Variants in SREBF2 observed in about 807,000 individuals in gnomAD.
SREBF2 encodes sterol regulatory element-binding protein 2.
Under a neutral mutation model 113.1 loss-of-function variants are expected in SREBF2, and 55 were observed. That is an observed-to-expected ratio of 0.49 (90% confidence interval 0.39 to 0.61). SREBF2 has a LOEUF of 0.61. Ranked by LOEUF, SREBF2 falls within the 20% of genes least tolerant of loss-of-function variation. The probability of loss-of-function intolerance (pLI) is 0.00; values close to 1 mark genes in which losing one functional copy is unlikely to be tolerated. For missense variants in SREBF2, 1,349 were observed against 1,487.4 expected, an observed-to-expected ratio of 0.91 and a Z score of 1.53; for synonymous variants, 593 against 605.7, an observed-to-expected ratio of 0.98 and a Z score of 0.31.
In SREBF2 at chr22:41,833,126, G is replaced by T. The variant is rs1232838294; in HGVS notation, c.-145G>T. On this transcript the variant is annotated 5_prime_UTR_variant, in exon 1 of 19. Transcript: ENST00000361204. This position sits in a 1 kb window ranked among gnomAD's most constrained non-coding sequence, Gnocchi z 4.1. ...CGCCCTTTCTGTGCGGCGCCCGGGC[G>T]CAACGCAAACATGGCGGCGGGTGGC... 1 of 567,448 alleles carries T rather than the reference G, an allele frequency of 1.8e-6. No individual in the cohort carries two copies. Among genetic ancestry groups the T allele is most frequent in the Non-Finnish European group, 2.9e-6 (1 of 350,560 alleles). The allele number at this position is 567,448 out of a possible 1,614,324, so 35.2% of individuals were successfully genotyped here.
At chr22:41,848,572 C>A (rs763472178) in intron 1 of SREBF2, among the ~76,000 whole-genome samples, 1 of 152,144 alleles carries the variant, frequency 6.6e-6, no homozygotes, top group South Asian at 2.1e-4. Flanking sequence ...ATTGCAGCAT[C>A]GTAGAGCCTA....
Position 41,896,985 on chromosome 22 carries a change from GC to G in SREBF2, c.2496-66del, listed in dbSNP as rs543294743. ...GGTCTTAGAGCTGGAGAGCTGAACA[GC>G]TAGGCCATGAGGTGGGCCTTGTGTA... On this transcript the variant is annotated intron_variant, in intron 13 of 18. Coordinates refer to ENST00000361204, the MANE Select transcript of SREBF2 (RefSeq NM_004599.4). 1.6e-4 allele frequency: 179 copies of G among 1,131,718 alleles called. 1 individual carries two copies. Among genetic ancestry groups the G allele is most frequent in the African/African-American group, 8.7e-4 (57 of 65,784 alleles). 70.1% of individuals were successfully genotyped at this position (1,131,718 alleles called of 1,614,324 possible).
intron 11 of SREBF2, 139 bp from the exon 12 acceptor site, chr22:41,892,978 G>T: frequency 1.9e-6 from 2 of 1,029,636 alleles, no homozygotes; most frequent in South Asian, 2.6e-5. Flanking sequence ...TCAGGTACCT[G>T]TGGGAGTCCT....
chr22:41,866,209 G>A (rs559705237), intron 1 of SREBF2, among the ~76,000 whole-genome samples: 27 of 152,296 alleles, frequency 1.8e-4, no homozygotes, highest in African/African-American at 6.3e-4. Context: ...CGACAGAACA[G>A]CACCCATCTA....
At chr22:41,884,687 C>G (rs1359431070) in intron 10 of SREBF2, among the ~76,000 whole-genome samples, 155 bp from the exon 11 acceptor site, 2 of 152,176 alleles carry the variant, frequency 1.3e-5, no homozygotes, top group African/African-American at 4.8e-5. Flanking sequence ...TATCACAGAG[C>G]CTGGCATCCC....
intron 4 of SREBF2, among the ~76,000 whole-genome samples, chr22:41,871,250 G>A (rs1243265473): frequency 2.8e-4 from 42 of 152,162 alleles, no homozygotes; most frequent in Admixed American, 2.6e-3. Flanking sequence ...TCTACAAGGA[G>A]GTAGAAAAGA....
chr22:41,883,429 A>G (rs748252798), intron 10 of SREBF2, among the ~76,000 whole-genome samples: 4 of 152,170 alleles, frequency 2.6e-5, no homozygotes, highest in African/African-American at 7.2e-5. Context: ...GAAGGTCCCT[A>G]TCTGCAAATT....
intron 12 of SREBF2, among the ~76,000 whole-genome samples, chr22:41,893,679 C>T (rs1317970907): frequency 1.3e-5 from 2 of 152,130 alleles, no homozygotes; most frequent in Admixed American, 1.3e-4. Context: ...ATTGGGAGAG[C>T]AGACAGACAT....
chr22:41,882,041 C>CAA (rs901580760), intron 10 of SREBF2, among the ~76,000 whole-genome samples: 1 of 146,374 alleles, frequency 6.8e-6, no homozygotes, highest in East Asian at 2.0e-4. Flanking sequence ...CATAGCACTC[C>CAA]AAAAAAAAAA....
chr22:41,879,712 C>T (rs796401723), intron 9 of SREBF2, among the ~76,000 whole-genome samples: 8 of 152,280 alleles, frequency 5.3e-5, no homozygotes, highest in Non-Finnish European at 8.8e-5. Context: ...GTACCAGCTG[C>T]CCAATAGAGG....
Position 41,865,147 on chromosome 22 carries a change from AC to A in SREBF2, c.89-1683del, listed in dbSNP as rs1259191602. Among the ~76,000 whole-genome samples, 35 of 26,136 alleles carry A rather than the reference AC, an allele frequency of 1.3e-3. No homozygotes were observed. The South Asian group carries it at 0.03, about 22-fold the overall frequency. 17.1% of individuals were successfully genotyped at this position (26,136 alleles called of 152,430 possible). A position where few individuals can be genotyped will look rare whatever the true frequency, so the allele number is the denominator to read the frequency against. On this transcript the variant is annotated intron_variant, in intron 1 of 18. Transcript: ENST00000361204. ...TCCAGGCCCCCACATCCCCCAAAAAACACACACACACACACACACACAGCAT... is the reference window on the plus strand; with the variant it reads ...TCCAGGCCCCCACATCCCCCAAAAAAACACACACACACACACACACAGCAT...
At chr22:41,891,054 G>C (rs1602337201) in intron 11 of SREBF2, among the ~76,000 whole-genome samples, 1 of 152,146 alleles carries the variant, frequency 6.6e-6, no homozygotes, top group Admixed American at 6.5e-5. Context: ...TGAGGGACCA[G>C]TTGGTCCTCA....
In SREBF2 at chr22:41,900,557, C is replaced by G; in HGVS notation, c.2907+59C>G. 4 of 1,546,884 alleles carry G rather than the reference C, an allele frequency of 2.6e-6. No individual in the cohort carries two copies. In the South Asian group the frequency reaches 3.4e-5, roughly 13 times the overall value. On this transcript the variant is annotated intron_variant, in intron 16 of 18. Coordinates refer to ENST00000361204, the MANE Select transcript of SREBF2 (RefSeq NM_004599.4). ...TGCTCTGCACTGGTTTACGAGAACA[C>G]TCCCACTCACCTCATGCTGACCCTG...
At chr22:41,843,252 C>T (rs576566129) in intron 1 of SREBF2, among the ~76,000 whole-genome samples, 2 of 152,264 alleles carry the variant, frequency 1.3e-5, no homozygotes, top group Non-Finnish European at 2.9e-5. Context: ...TGACTGTTTC[C>T]GTAGTCACCT....
At chr22:41,879,645 T>C (rs1366943605) in intron 9 of SREBF2, among the ~76,000 whole-genome samples, 1 of 152,210 alleles carries the variant, frequency 6.6e-6, no homozygotes, top group African/African-American at 2.4e-5. Context: ...TGTGAGGACA[T>C]CTTTTCTTTT....
At chr22:41,870,847 A>T (rs371447196) in intron 3 of SREBF2, 42 bp from the exon 4 acceptor site, 1 of 1,612,708 alleles carries the variant, frequency 6.2e-7, no homozygotes, top group Non-Finnish European at 8.5e-7. Context: ...TAACAGAAGG[A>T]TAATGCTATC....
chr22:41,904,138 A>G (rs899870014), intron 17 of SREBF2, among the ~76,000 whole-genome samples: 3 of 152,212 alleles, frequency 2.0e-5, no homozygotes, highest in African/African-American at 7.2e-5. Flanking sequence ...TCGGCCTCCC[A>G]AAGTGCTGGG....
intron 11 of SREBF2, among the ~76,000 whole-genome samples, chr22:41,890,865 A>G (rs2077354384): frequency 6.6e-6 from 1 of 151,714 alleles, no homozygotes; most frequent in South Asian, 2.1e-4. Flanking sequence ...CCAAGATCAC[A>G]CCACTGCACT....
At chr22:41,862,115 A>T (rs1021793388) in intron 1 of SREBF2, among the ~76,000 whole-genome samples, 2 of 152,030 alleles carry the variant, frequency 1.3e-5, no homozygotes, top group African/African-American at 4.8e-5. Flanking sequence ...CACATTCTTT[A>T]TTCTTGACCA....
Sources: allele counts gnomAD v4.1 joint callset (sites outside exome capture counted in the v4.1 genomes callset), GRCh38; gene constraint gnomAD v4.1.1; non-coding constraint Gnocchi (gnomAD v3.1); transcripts MANE v1.5; gene names NCBI Gene and HGNC (gene_info 2026-07-23, HGNC 2026-07-21).